The following NFKB1 variants were observed in gnomAD, a reference collection of about 807,000 sequenced individuals.
NFKB1 encodes the protein nuclear factor NF-kappa-B p105 subunit.
Under a neutral mutation model 105.1 loss-of-function variants are expected in NFKB1, and 9 were observed. That is an observed-to-expected ratio of 0.09 (90% CI 0.05 to 0.15). NFKB1 has a LOEUF of 0.15. NFKB1 is among the 10% of genes least tolerant of loss of function. The probability of loss-of-function intolerance (pLI) is 1.00; values close to 1 mark genes in which losing one functional copy is unlikely to be tolerated. For missense variants in NFKB1, 830 were observed against 1,203.7 expected (o/e 0.69, Z 4.59); for synonymous variants, 440 against 442.2 (o/e 1.00, Z 0.06).
intron 1 of NFKB1, among the ~76,000 whole-genome samples, chr4:102,504,101 A>G (rs757475147): frequency 1.3e-5 from 2 of 152,190 alleles, no homozygotes; most frequent in Non-Finnish European, 2.9e-5. Context: ...CATAACCTTC[A>G]ATTGGTTTGA....
intron 11 of NFKB1, among the ~76,000 whole-genome samples, chr4:102,592,706 TCA>T (rs1384791272): frequency 6.6e-6 from 1 of 152,224 alleles, no homozygotes; most frequent in East Asian, 1.9e-4. Flanking sequence ...TTTCAATATC[TCA>T]GAGGCATGCC....
chr4:102,605,834 G>C (rs1009338776), intron 16 of NFKB1, among the ~76,000 whole-genome samples: 1 of 152,200 alleles, frequency 6.6e-6, no homozygotes, highest in African/African-American at 2.4e-5. Flanking sequence ...TCAGGAGCCA[G>C]TCCATGGGAC....
intron 8 of NFKB1, among the ~76,000 whole-genome samples, chr4:102,579,976 A>G (rs961626611): frequency 6.6e-6 from 1 of 152,134 alleles, no homozygotes; most frequent in Non-Finnish European, 1.5e-5. Context: ...GTTGGAGAAA[A>G]AAAAAAAGGA....
At chr4:102,571,812 C>A (rs967608364) in intron 6 of NFKB1, among the ~76,000 whole-genome samples, 2 of 152,128 alleles carry the variant, frequency 1.3e-5, no homozygotes, top group African/African-American at 4.8e-5. Flanking sequence ...GTTAGAATGG[C>A]AATCATTAAA....
At chr4:102,582,548 T>C (rs1463883171) in intron 9 of NFKB1, among the ~76,000 whole-genome samples, 1 of 152,206 alleles carries the variant, frequency 6.6e-6, no homozygotes, top group African/African-American at 2.4e-5. Flanking sequence ...TCTAATATTC[T>C]TCCACCATCG....
At position 102,594,873 on chromosome 4, in the gene NFKB1, GT is replaced by G; in HGVS notation, c.1211-15del. 1 of 1,563,976 alleles carries G rather than the reference GT, an allele frequency of 6.4e-7. No homozygotes were observed. Among genetic ancestry groups the G allele is most frequent in the Non-Finnish European group, 8.8e-7 (1 of 1,136,086 alleles). On this transcript the variant is annotated intron_variant, in intron 12 of 23. Coordinates refer to ENST00000226574, the MANE Select transcript of NFKB1 (RefSeq NM_003998.4). ...AAAATATCTTCATGATGTTTCATTT[GT>G]TTTACTTGCCGTTTCAGGGTATAGC...
At chr4:102,536,412 C>G (rs369100028) in intron 4 of NFKB1, among the ~76,000 whole-genome samples, 1 of 151,946 alleles carries the variant, frequency 6.6e-6, no homozygotes, top group Admixed American at 6.6e-5. Context: ...TTTCCCAGAC[C>G]GGGGAATTTA....
intron 10 of NFKB1, 55 bp from the exon 11 acceptor site, chr4:102,584,627 C>CAAA: frequency 5.3e-6 from 7 of 1,327,916 alleles, no homozygotes; most frequent in South Asian, 1.6e-5. Context: ...AGCATTACTG[C>CAAA]AAAAAAAAAA....
intron 15 of NFKB1, among the ~76,000 whole-genome samples, chr4:102,598,500 G>A (rs1726837326): frequency 6.6e-6 from 1 of 152,128 alleles, no homozygotes; most frequent in Admixed American, 6.5e-5. Context: ...CTTTAGGAAA[G>A]TAACAACCTC....
Position 102,599,444 on chromosome 4 carries a change from T to G in NFKB1, c.1638-1451T>G, listed in dbSNP as rs149513947. Among the ~76,000 whole-genome samples, 23 of 152,336 alleles carry G rather than the reference T, an allele frequency of 1.5e-4. No individual in the cohort carries two copies. The East Asian group carries it at 4.4e-3, about 29-fold the overall frequency. On this transcript the variant is annotated intron_variant, in intron 15 of 23. Coordinates refer to ENST00000226574, the MANE Select transcript of NFKB1 (RefSeq NM_003998.4). ...GAAGAGGCTTGAGTAAAGTGGCACC[T>G]GATAGCTTATTTTAGAGAAGATCCA...
At chr4:102,521,981 A>G (rs1431129793) in intron 1 of NFKB1, among the ~76,000 whole-genome samples, 3 of 152,152 alleles carry the variant, frequency 2.0e-5, no homozygotes, top group African/African-American at 7.2e-5. Flanking sequence ...CACTACTGGG[A>G]AAAGAGATGC....
At position 102,597,680 on chromosome 4, in the gene NFKB1, A is replaced by G. The variant is rs777681976; in HGVS notation, c.1637+19A>G. On this transcript the variant is annotated intron_variant, in intron 15 of 23. Transcript: ENST00000226574. The stretch of plus-strand genomic sequence containing the variant: ...GGGACAGGTAAGTCAGAACTTTTGC[A>G]TGATAGGTTGTCCTGGGTGGGGAAG... The G allele has an allele frequency of 6.2e-6, 10 of 1,603,114 alleles. No homozygotes were observed. The highest frequency in any genetic ancestry group is 2.2e-5 in the East Asian group (1 of 44,606).
chr4:102,602,026 C>T (rs1727199236), intron 16 of NFKB1, among the ~76,000 whole-genome samples: 1 of 152,134 alleles, frequency 6.6e-6, no homozygotes. Flanking sequence ...ATCTCTCACT[C>T]CAAAACTATG....
chr4:102,546,423 A>G (rs1722144695), intron 5 of NFKB1, among the ~76,000 whole-genome samples: 1 of 152,172 alleles, frequency 6.6e-6, no homozygotes, highest in African/African-American at 2.4e-5. Context: ...CCTACTTAAA[A>G]TATCGATTTT....
Position 102,580,459 on chromosome 4 carries a change from G to A in NFKB1, c.731-76G>A, listed in dbSNP as rs893506004. 4 of 1,157,262 alleles carry A rather than the reference G, an allele frequency of 3.5e-6. No homozygotes were observed. In the African/African-American group the frequency reaches 6.1e-5, roughly 18 times the overall value. 71.7% of individuals were successfully genotyped at this position (1,157,262 alleles called of 1,614,324 possible). A position where few individuals can be genotyped will look rare whatever the true frequency, so the allele number is the denominator to read the frequency against. ...TTGTTTTGGTCATGTGTGCTAAGGGGAGGGTCCTACCTAAAGGACTGGCTT... is the reference window on the plus strand; with the variant it reads ...TTGTTTTGGTCATGTGTGCTAAGGGAAGGGTCCTACCTAAAGGACTGGCTT... On this transcript the variant is annotated intron_variant, in intron 8 of 23. Coordinates refer to ENST00000226574, the MANE Select transcript of NFKB1 (RefSeq NM_003998.4).
At position 102,509,315 on chromosome 4, in the gene NFKB1, C is replaced by T. The variant is rs532791651; in HGVS notation, c.-8+7527C>T. Among the ~76,000 whole-genome samples, 76 of 152,054 alleles carry T rather than the reference C, an allele frequency of 5.0e-4. 1 individual carries two copies. The highest frequency in any genetic ancestry group is 4.1e-4 in the South Asian group (2 of 4,822). ...TTTAAAAATATTTCCTATTTTAAAC[C>T]ATTACATAATCATTTACCCTGCAGT... On this transcript the variant is annotated intron_variant, in intron 1 of 23. Coordinates refer to ENST00000226574, the MANE Select transcript of NFKB1 (RefSeq NM_003998.4).
At chr4:102,543,693 C>T (rs574557139) in intron 5 of NFKB1, among the ~76,000 whole-genome samples, 2 of 152,100 alleles carry the variant, frequency 1.3e-5, no homozygotes, top group South Asian at 4.2e-4. Context: ...AGAGACTACC[C>T]GATCTGCTGT....
intron 9 of NFKB1, among the ~76,000 whole-genome samples, chr4:102,581,999 T>C (rs1355987057): frequency 1.3e-5 from 2 of 152,212 alleles, no homozygotes; most frequent in Non-Finnish European, 2.9e-5. Context: ...TGTGGCCCTT[T>C]CTATGAAACG....
At chr4:102,502,388 G>GCACACACACACA (rs1302710749) in intron 1 of NFKB1, among the ~76,000 whole-genome samples, 1 of 96,802 alleles carries the variant, frequency 1.0e-5, no homozygotes, top group African/African-American at 7.2e-5. Context: ...GCGCGCGCGC[G>GCACACACACACA]CGCACACACA....
Sources: gnomAD v4.1 joint callset for allele counts (sites outside exome capture counted in the v4.1 genomes callset) on GRCh38, gnomAD v4.1.1 for gene constraint, MANE v1.5 for transcripts, NCBI Gene and HGNC (gene_info 2026-07-23, HGNC 2026-07-21) for gene names.